Variants in ANKRD30BL observed in about 807,000 individuals in gnomAD.
The protein encoded by ANKRD30BL is ankyrin repeat domain 30B like.
Under a neutral mutation model 18.4 loss-of-function variants are expected in ANKRD30BL, and 20 were observed. That is an observed-to-expected ratio of 1.09 (90% confidence interval 0.77 to 1.58). ANKRD30BL has a LOEUF of 1.58. ANKRD30BL is among the 40% of genes most tolerant of loss of function. ANKRD30BL has a pLI of 0.00. For synonymous variants in ANKRD30BL, 72 were observed against 100.9 expected, an observed-to-expected ratio of 0.71 and a Z score of 1.72; for missense variants, 224 against 268.6, an observed-to-expected ratio of 0.83 and a Z score of 1.16.
In ANKRD30BL at chr2:132,169,449, C is replaced by A. The variant is rs564448245; in HGVS notation, n.442-12303G>T. Among the ~76,000 whole-genome samples the A allele has an allele frequency of 4.3e-3, 655 of 152,228 alleles. 3 individuals carry two copies. The highest frequency in any genetic ancestry group is 0.015 in the African/African-American group (621 of 41,526). ...ACATCAGGAGGTCAAGAGATCGAGA[C>A]CATCATGGCCACCATGGTGAAACCC... On this transcript the variant is annotated intron_variant and non_coding_transcript_variant, in intron 1 of 4. Coordinates refer to the ANKRD30BL transcript ENST00000470729.
intron 1 of ANKRD30BL, among the ~76,000 whole-genome samples, chr2:132,211,588 G>T (rs566613907): frequency 1.3e-5 from 2 of 151,846 alleles, no homozygotes; most frequent in African/African-American, 2.4e-5. Flanking sequence ...CTAGACAGAC[G>T]CATTGTGAGA....
At chr2:132,250,030 C>T (rs537135111) in intron 1 of ANKRD30BL, among the ~76,000 whole-genome samples, 2 of 152,072 alleles carry the variant, frequency 1.3e-5, no homozygotes, top group Non-Finnish European at 2.9e-5. Flanking sequence ...ACAAATATCC[C>T]TCTGCACATT....
intron 1 of ANKRD30BL, among the ~76,000 whole-genome samples, chr2:132,205,302 G>A (rs1679188849): frequency 6.6e-6 from 1 of 151,918 alleles, no homozygotes; most frequent in Non-Finnish European, 1.5e-5. Context: ...AAACTAGGCA[G>A]CAAGGAGTTA....
intron 1 of ANKRD30BL, among the ~76,000 whole-genome samples, chr2:132,231,632 G>A (rs150946759): frequency 5.3e-5 from 8 of 152,154 alleles, no homozygotes; most frequent in East Asian, 1.9e-4. Flanking sequence ...TTTTCGGACC[G>A]GCTTAAAAAA....
chr2:132,193,206 G>A (rs1415493312), intron 1 of ANKRD30BL, among the ~76,000 whole-genome samples: 1 of 152,196 alleles, frequency 6.6e-6, no homozygotes, highest in Non-Finnish European at 1.5e-5. Flanking sequence ...TCACTCATAT[G>A]ACCATGTTGG....
At chr2:132,241,374 C>T (rs1385547452) in intron 1 of ANKRD30BL, among the ~76,000 whole-genome samples, 2 of 151,464 alleles carry the variant, frequency 1.3e-5, no homozygotes, top group Non-Finnish European at 3.0e-5. Context: ...GAAGCATTAT[C>T]AGAAACTTCT....
intron 1 of ANKRD30BL, among the ~76,000 whole-genome samples, chr2:132,206,248 G>A (rs762504398): frequency 9.9e-5 from 15 of 152,142 alleles, no homozygotes; most frequent in Non-Finnish European, 1.6e-4. Flanking sequence ...TGGAGGAAGT[G>A]TAATTTATGA....
chr2:132,183,048 G>A (rs921529278), intron 1 of ANKRD30BL, among the ~76,000 whole-genome samples: 2 of 151,838 alleles, frequency 1.3e-5, no homozygotes, highest in African/African-American at 4.8e-5. Flanking sequence ...TAAGGTAGAA[G>A]GTTCTATTGT....
At chr2:132,216,650 G>A (rs999602297) in intron 1 of ANKRD30BL, among the ~76,000 whole-genome samples, 29 of 152,086 alleles carry the variant, frequency 1.9e-4, no homozygotes, top group African/African-American at 7.0e-4. Flanking sequence ...GGATCTGCAT[G>A]TGGACCTTTG....
intron 1 of ANKRD30BL, chr2:132,256,863 C>T (rs77115332): frequency 1.8e-5 from 8 of 436,520 alleles, no homozygotes; most frequent in Non-Finnish European, 3.2e-5. Context: ...GTGAGCCGCT[C>T]GGGGAGAGAG....
At chr2:132,229,272 G>C (rs1260118369) in intron 1 of ANKRD30BL, among the ~76,000 whole-genome samples, 1 of 151,986 alleles carries the variant, frequency 6.6e-6, no homozygotes, top group East Asian at 1.9e-4. Flanking sequence ...CCGTACAAAA[G>C]GAAATATCTT....
intron 1 of ANKRD30BL, among the ~76,000 whole-genome samples, chr2:132,159,259 G>T (rs990342234): frequency 7.2e-5 from 11 of 151,964 alleles, no homozygotes; most frequent in African/African-American, 9.7e-5. Context: ...ATCCCATGCT[G>T]TAAATTCACT....
intron 1 of ANKRD30BL, among the ~76,000 whole-genome samples, chr2:132,234,968 C>A (rs935421687): frequency 6.6e-6 from 1 of 152,124 alleles, no homozygotes; most frequent in Non-Finnish European, 1.5e-5. Context: ...TCCAGCAGAA[C>A]ATCAAAAAGC....
At chr2:132,160,541 C>T (rs1433303984) in intron 1 of ANKRD30BL, among the ~76,000 whole-genome samples, 1 of 151,614 alleles carries the variant, frequency 6.6e-6, no homozygotes, top group East Asian at 1.9e-4. Context: ...CAGGTTCACA[C>T]CATTCTCCTG....
At chr2:132,148,583 T>C (rs1206372101) in intron 5 of ANKRD30BL, among the ~76,000 whole-genome samples, 1 of 151,820 alleles carries the variant, frequency 6.6e-6, no homozygotes, top group African/African-American at 2.4e-5. Flanking sequence ...TTAGTCAGGG[T>C]GGTCCCAAAC....
At chr2:132,161,053 T>C (rs1455462378) in intron 1 of ANKRD30BL, among the ~76,000 whole-genome samples, 1 of 142,696 alleles carries the variant, frequency 7.0e-6, no homozygotes, top group East Asian at 2.1e-4. Context: ...TCCAAAAAAT[T>C]TTTAGCCAAG....
intron 1 of ANKRD30BL, among the ~76,000 whole-genome samples, chr2:132,198,221 T>C (rs1679003495): frequency 6.6e-6 from 1 of 151,648 alleles, no homozygotes; most frequent in African/African-American, 2.4e-5. Context: ...TGAAGATGCT[T>C]AGTCTCTCTT....
chr2:132,218,698 G>A (rs901652406), intron 1 of ANKRD30BL, among the ~76,000 whole-genome samples: 1 of 151,884 alleles, frequency 6.6e-6, no homozygotes, highest in East Asian at 2.0e-4. Context: ...AACTCACAGA[G>A]TTGAACATAC....
chr2:132,161,603 G>A lies in ANKRD30BL; in HGVS notation c.103C>T (p.His35Tyr), dbSNP rs1467068912. The A allele has an allele frequency of 2.8e-6, 4 of 1,453,510 alleles. No homozygotes were observed. The African/African-American group carries it at 4.2e-5, about 15-fold the overall frequency. 90.0% of individuals were successfully genotyped at this position (1,453,510 alleles called of 1,614,324 possible). The change falls in exon 1 of 6, where the codon CAC (histidine) becomes TAC (tyrosine). Residue 35 changes from histidine to tyrosine, a missense_variant. This residue lies in a region of ANKRD30BL where 131 missense variants were observed against 128.8 expected (regional missense o/e 1.02). Transcript: ENST00000409867. ...VYTNNDSYVIHHGDLRKIHKA... is the reference protein window; with the variant it reads ...VYTNNDSYVIYHGDLRKIHKA... ...TGGATCTTCCTGAGATCCCCATGGT[G>A]AATCACGTAAGAGTCGTTGTTGGTG...
Sources: gnomAD v4.1 joint callset for allele counts (sites outside exome capture counted in the v4.1 genomes callset) on GRCh38, gnomAD v4.1.1 for gene constraint, gnomAD v4.1.1 regional missense constraint, MANE v1.5 for transcripts, NCBI Gene and HGNC (gene_info 2026-07-23, HGNC 2026-07-21) for gene names.